The following POU2F2 variants were observed in gnomAD, a reference collection of about 807,000 sequenced individuals.
POU2F2 encodes POU class 2 homeobox 2.
POU2F2 carries 14 observed loss-of-function variants against 63.5 expected under a neutral mutation model. That is an observed-to-expected ratio of 0.22 (90% CI 0.15 to 0.34). POU2F2 has a LOEUF of 0.34. Ranked by LOEUF, POU2F2 falls within the 10% of genes least tolerant of loss-of-function variation. The pLI is 1.00. For synonymous variants in POU2F2, 306 were observed against 348.6 expected (o/e 0.88, Z 1.36); for missense variants, 607 against 815.2 (o/e 0.74, Z 3.11).
chr19:42,116,752 G>A, intron 5 of POU2F2: 1 of 355,458 alleles, frequency 2.8e-6, no homozygotes, highest in South Asian at 2.0e-5. Flanking sequence ...GAGCTGTGGG[G>A]TCCCAGGGGG....
At chr19:42,099,860 C>G (rs1216743104) in intron 5 of POU2F2, 39 bp from the exon 6 acceptor site, 17 of 1,493,716 alleles carry the variant, frequency 1.1e-5, no homozygotes, top group Non-Finnish European at 1.5e-5. Context: ...TAGCCTGAGT[C>G]CTGGCTGGGT....
At chr19:42,176,725 A>C (rs1277281549), upstream of POU2F2, among the ~76,000 whole-genome samples, 5 of 66,400 alleles carry the variant, frequency 7.5e-5, no homozygotes, top group African/African-American at 1.2e-4. Flanking sequence ...GACCCCCCCC[A>C]TCCCCAAATA....
intron 1 of POU2F2, among the ~76,000 whole-genome samples, chr19:42,184,388 G>A (rs926917250): frequency 6.6e-6 from 1 of 152,076 alleles, no homozygotes; most frequent in East Asian, 1.9e-4. Context: ...TTTTCACATG[G>A]GGATGTCTCT....
At chr19:42,099,389 G>A (rs1411275824) in intron 7 of POU2F2, 138 bp downstream of exon 7, 8 of 751,898 alleles carry the variant, frequency 1.1e-5, no homozygotes, top group Non-Finnish European at 1.3e-5. Context: ...CTTGCCTGAG[G>A]TCTCACAGCA....
intron 5 of POU2F2, among the ~76,000 whole-genome samples, chr19:42,114,143 T>C (rs1600084058): frequency 6.6e-6 from 1 of 151,966 alleles, no homozygotes; most frequent in South Asian, 2.1e-4. Flanking sequence ...CGGCAGGTGG[T>C]GGAGGCTCAG....
rs1003862417 is a variant in POU2F2 at position 42,169,051 on chromosome 19, C to T, written c.-70+6912G>A. ...TGTTTCCTCAGCTTCTAAGACAGGG[C>T]CTGACTCCTATAGAGGCTCAGTACC... On this transcript the variant is annotated intron_variant, in intron 1 of 6. Transcript: ENST00000524801. This position sits in a 1 kb window ranked among gnomAD's most constrained non-coding sequence, Gnocchi z 4.3. Among the ~76,000 whole-genome samples, 23 of 152,190 alleles carry T rather than the reference C, an allele frequency of 1.5e-4. No individual in the cohort carries two copies. The highest frequency in any genetic ancestry group is 4.8e-4 in the African/African-American group (20 of 41,444).
chr19:42,095,696 G>A lies in POU2F2; in HGVS notation c.872-3C>T, dbSNP rs1352295755. 1 of 1,611,702 alleles carries A rather than the reference G, an allele frequency of 6.2e-7. No individual in the cohort carries two copies. The highest frequency in any genetic ancestry group is 1.7e-5 in the Admixed American group (1 of 60,016). On this transcript the variant is annotated splice_polypyrimidine_tract_variant and splice_region_variant and intron_variant, in intron 9 of 14. Transcript: ENST00000692977. This position sits in a 1 kb window ranked among gnomAD's most constrained non-coding sequence, Gnocchi z 7.1. ...GCTTGAGTCCACAGACATAGTCTCT[G>A]TGCGCCGGGGGAGACGTGAGCATGA... is the stretch of plus-strand genomic sequence containing the variant.
rs918171008 is a variant in POU2F2, at chr19:42,169,972, C to T, written c.-70+5991G>A. Among the ~76,000 whole-genome samples the T allele has an allele frequency of 9.9e-5, 15 of 152,186 alleles. No individual in the cohort carries two copies. Among genetic ancestry groups the T allele is most frequent in the Non-Finnish European group, 2.2e-4 (15 of 68,004 alleles). On this transcript the variant is annotated intron_variant, in intron 1 of 6. Transcript: ENST00000524801. This position sits in a 1 kb window ranked among gnomAD's most constrained non-coding sequence, Gnocchi z 4.3. ...GTCACAAGGTTAATTTCTCCACAGC[C>T]AGGCAGGCTGGGCCCTGAGGGGAGT...
chr19:42,107,576 GGTGACAAAGTCTCA>G (rs1449477913), intron 5 of POU2F2, among the ~76,000 whole-genome samples: 1 of 152,132 alleles, frequency 6.6e-6, no homozygotes, highest in Non-Finnish European at 1.5e-5. Flanking sequence ...ACATTCTCTT[GGTGACAAAGTCTCA>G]GTACCGCTAA....
chr19:42,101,976 CAA>C (rs1297939775), intron 5 of POU2F2, among the ~76,000 whole-genome samples: 26 of 85,226 alleles, frequency 3.1e-4, no homozygotes, highest in Middle Eastern at 7.1e-3. Flanking sequence ...GACTCCATCT[CAA>C]AAAAAAAAAA....
chr19:42,152,885 C>G lies in POU2F2; in HGVS notation c.-9+7447G>C, dbSNP rs1012828452. 2.0e-5 allele frequency among the ~76,000 whole-genome samples: 3 copies of G among 152,090 alleles called. No individual in the cohort carries two copies. The highest frequency in any genetic ancestry group is 7.2e-5 in the African/African-American group (3 of 41,388). On this transcript the variant is annotated intron_variant, in intron 2 of 6. Coordinates refer to the POU2F2 transcript ENST00000524801. This position sits in a 1 kb window ranked among gnomAD's most constrained non-coding sequence, Gnocchi z 4.1. The stretch of plus-strand genomic sequence containing the variant: ...GACGGACAGAGCTCTGGGAGGTGGG[C>G]AGGGGGCACCTGTGGGTTCAGAGAG...
chr19:42,133,185 G>C (rs138943277), upstream of POU2F2, among the ~76,000 whole-genome samples: 797 of 152,336 alleles, frequency 5.2e-3, 10 homozygotes, highest in African/African-American at 0.018. The surrounding 1 kb of genome is among the most constrained non-coding windows in gnomAD (Gnocchi z 5.1). Context: ...AGGTCCCCGG[G>C]CTGCCGGCTG....
intron 5 of POU2F2, among the ~76,000 whole-genome samples, chr19:42,105,843 A>G (rs1361397826): frequency 6.6e-6 from 1 of 151,932 alleles, no homozygotes; most frequent in Non-Finnish European, 1.5e-5. Flanking sequence ...ACCCCAGACC[A>G]TCCATTCGCC....
chr19:42,092,526 C>A lies in POU2F2; in HGVS notation c.1265-256G>T, dbSNP rs2076760735. 6.6e-6 allele frequency among the ~76,000 whole-genome samples: 1 copy of A among 152,218 alleles called. No individual in the cohort carries two copies. Among genetic ancestry groups the A allele is most frequent in the South Asian group, 2.1e-4 (1 of 4,832 alleles). ...GGCACTCTACACTCCCTGCCCTGAA[C>A]CACTTTTTTACCGACTAGAAACGGG... On this transcript the variant is annotated intron_variant, in intron 12 of 14. Coordinates refer to ENST00000692977, the MANE Select transcript of POU2F2 (RefSeq NM_001394376.1). This position sits in a 1 kb window ranked among gnomAD's most constrained non-coding sequence, Gnocchi z 5.0.
intron 1 of POU2F2, among the ~76,000 whole-genome samples, chr19:42,170,730 G>T (rs1020619680): frequency 6.6e-6 from 1 of 152,344 alleles, no homozygotes; most frequent in East Asian, 1.9e-4. Context: ...CACATACAAA[G>T]ACCCCAAGAC....
chr19:42,163,325 C>A (rs1051535239), intron 1 of POU2F2, among the ~76,000 whole-genome samples: 2 of 151,894 alleles, frequency 1.3e-5, no homozygotes, highest in Non-Finnish European at 2.9e-5. Context: ...AGGAGGCCCA[C>A]GAGATGAGCC....
intron 1 of POU2F2, among the ~76,000 whole-genome samples, chr19:42,194,965 AGGG>A (rs1268474696): frequency 1.7e-5 from 1 of 57,870 alleles, no homozygotes; most frequent in Non-Finnish European, 3.3e-5. Context: ...GAAATGAAGG[AGGG>A]GGGAGGGAGG....
intron 1 of POU2F2, among the ~76,000 whole-genome samples, chr19:42,181,540 G>A (rs538484442): frequency 2.6e-4 from 40 of 152,072 alleles, no homozygotes; most frequent in African/African-American, 9.2e-4. Flanking sequence ...AGCTATGGAT[G>A]ACCTTAATTG....
chr19:42,144,119 T>C (rs1326755169), intron 2 of POU2F2, among the ~76,000 whole-genome samples: 1 of 152,230 alleles, frequency 6.6e-6, no homozygotes, highest in African/African-American at 2.4e-5. Context: ...CTCCCATCAC[T>C]GGGCTGGATG....
Sources: allele counts gnomAD v4.1 joint callset (sites outside exome capture counted in the v4.1 genomes callset), GRCh38; gene constraint gnomAD v4.1.1; non-coding constraint Gnocchi (gnomAD v3.1); transcripts MANE v1.5; gene names NCBI Gene and HGNC (gene_info 2026-07-23, HGNC 2026-07-21).